The following ZNF444 variants were observed in gnomAD, a reference collection of about 807,000 sequenced individuals.
ZNF444 encodes endothelial zinc finger protein 2.
Under a neutral mutation model 14.4 loss-of-function variants are expected in ZNF444, and 8 were observed. The observed-to-expected ratio is 0.56, with a 90% CI of 0.33 to 1.00. The LOEUF (loss-of-function observed/expected upper bound fraction) is 1.00, where lower values mean the gene tolerates loss of function less well. Among genes scored for constraint, ZNF444 ranks in the 50% least tolerant of loss-of-function variants. ZNF444 has a pLI of 0.03. For missense variants in ZNF444, 510 were observed against 504.8 expected (o/e 1.01, Z -0.10); for synonymous variants, 258 against 235.9 (o/e 1.09, Z -0.86).
rs942128969 is a variant in ZNF444 at position 56,144,776 on chromosome 19, G to A, written c.-196-1471G>A. 6.6e-6 allele frequency among the ~76,000 whole-genome samples: 1 copy of A among 152,208 alleles called. No individual in the cohort carries two copies. Among genetic ancestry groups the A allele is most frequent in the African/African-American group, 2.4e-5 (1 of 41,450 alleles). ...ATGATACAGTCCAAGCTGCTGTAATGAAGAGACCCCAAGTACAGGGCTCCA... is the reference window on the plus strand; with the variant it reads ...ATGATACAGTCCAAGCTGCTGTAATAAAGAGACCCCAAGTACAGGGCTCCA... On this transcript the variant is annotated intron_variant, in intron 1 of 4. Coordinates refer to ENST00000337080, the MANE Select transcript of ZNF444 (RefSeq NM_018337.4). This position sits in a 1 kb window ranked among gnomAD's most constrained non-coding sequence, Gnocchi z 4.0.
At chr19:56,151,882 G>A (rs1356479133) in intron 3 of ZNF444, 1 of 428,556 alleles carries the variant, frequency 2.3e-6, no homozygotes, top group African/African-American at 2.1e-5. Flanking sequence ...ACATCTGGGG[G>A]CGCTACTGTG....
chr19:56,150,268 G>A (rs1170409281), intron 3 of ZNF444: 1 of 221,448 alleles, frequency 4.5e-6, no homozygotes, highest in Middle Eastern at 5.0e-4. Flanking sequence ...GGTGGTTATT[G>A]TTGCTTTTAA....
chr19:56,132,990 T>C (rs1189470266), intron 1 of ZNF444, among the ~76,000 whole-genome samples: 1 of 128,904 alleles, frequency 7.8e-6, no homozygotes. Context: ...CAGGCTGGAG[T>C]GCAGTGGTGC....
Position 56,141,294 on chromosome 19 carries a change from G to T in ZNF444, c.-260G>T, listed in dbSNP as rs1184480570. On this transcript the variant is annotated 5_prime_UTR_variant, in exon 1 of 5. Transcript: ENST00000337080. ...AAGCCTGCTGGGGCATGGAGTCCCG[G>T]CGAGCTTTGTGCGCATGTGCGGGGA... The T allele has an allele frequency of 8.4e-5, 8 of 95,794 alleles. No individual in the cohort carries two copies. The highest frequency in any genetic ancestry group is 2.1e-4 in the Admixed American group (2 of 9,444). 5.9% of individuals were successfully genotyped at this position (95,794 alleles called of 1,614,324 possible). A position where few individuals can be genotyped will look rare whatever the true frequency, so the allele number is the denominator to read the frequency against.
intron 3 of ZNF444, chr19:56,150,390 ACT>A (rs1014911617): frequency 3.3e-6 from 1 of 299,152 alleles, no homozygotes; most frequent in Admixed American, 4.8e-5. Flanking sequence ...GGCCGTCGGG[ACT>A]CTCCTGCGTT....
At chr19:56,150,138 C>T (rs944057859) in intron 3 of ZNF444, 1 of 176,270 alleles carries the variant, frequency 5.7e-6, no homozygotes, top group Non-Finnish European at 1.2e-5. Context: ...CTCCTCAGAA[C>T]AGGACCTGGC....
Position 56,160,512 on chromosome 19 carries a change from G to T in ZNF444, c.*311G>T. 1 of 346,754 alleles carries T rather than the reference G, an allele frequency of 2.9e-6. No individual in the cohort carries two copies. Among genetic ancestry groups the T allele is most frequent in the Non-Finnish European group, 5.2e-6 (1 of 191,820 alleles). 21.5% of individuals were successfully genotyped at this position (346,754 alleles called of 1,614,324 possible). ...CCCCTCTTCTCTCTCCTGCGGCCCA[G>T]CCTCCCTCTCCCTCCTCCATTCCTC... On this transcript the variant is annotated 3_prime_UTR_variant, in exon 5 of 5. Transcript: ENST00000337080.
At chr19:56,158,928 C>G (rs1413305572) in intron 4 of ZNF444, among the ~76,000 whole-genome samples, 1 of 151,836 alleles carries the variant, frequency 6.6e-6, no homozygotes, top group African/African-American at 2.4e-5. Context: ...CACATGTTCC[C>G]CCTCACACCA....
intron 3 of ZNF444, chr19:56,155,161 AAG>A (rs1273770919): frequency 6.6e-6 from 1 of 152,216 alleles, no homozygotes; most frequent in East Asian, 1.9e-4. Context: ...ATTACAGAGA[AAG>A]GACACAGATG....
chr19:56,159,559 C>G, intron 4 of ZNF444, 65 bp from the exon 5 acceptor site: 1 of 1,362,470 alleles, frequency 7.3e-7, no homozygotes, highest in Non-Finnish European at 9.6e-7. Context: ...GCCTCCACCC[C>G]AGCCTGTGCT....
Position 56,145,458 on chromosome 19 carries a change from C to T in ZNF444, c.-196-789C>T, listed in dbSNP as rs370595463. On this transcript the variant is annotated intron_variant, in intron 1 of 4. Transcript: ENST00000337080. This position sits in a 1 kb window ranked among gnomAD's most constrained non-coding sequence, Gnocchi z 4.3. ...AAAATTATCCGGACGTGGTAACGCA[C>T]GTCTATAATCCCAGCTACTTGGGAG... 5.9e-5 allele frequency among the ~76,000 whole-genome samples: 9 copies of T among 152,210 alleles called. No homozygotes were observed. Among genetic ancestry groups the T allele is most frequent in the Admixed American group, 2.0e-4 (3 of 15,278 alleles).
Position 56,145,383 on chromosome 19 carries a change from T to G in ZNF444, c.-196-864T>G, listed in dbSNP as rs1172545579. Among the ~76,000 whole-genome samples the G allele has an allele frequency of 2.0e-5, 3 of 152,146 alleles. No homozygotes were observed. Among genetic ancestry groups the G allele is most frequent in the Non-Finnish European group, 4.4e-5 (3 of 68,022 alleles). On this transcript the variant is annotated intron_variant, in intron 1 of 4. Transcript: ENST00000337080. This position sits in a 1 kb window ranked among gnomAD's most constrained non-coding sequence, Gnocchi z 4.3. ...GGTGGATCACCTGAGGTCAGGAGTT[T>G]GAGACCAGTCTGGCCAACCTGGCGA...
chr19:56,134,932 T>TAA (rs201887007), intron 1 of ZNF444, among the ~76,000 whole-genome samples: 1 of 145,704 alleles, frequency 6.9e-6, no homozygotes, highest in African/African-American at 2.5e-5. Flanking sequence ...CTTATTTCTT[T>TAA]AAAAAAAAAA....
rs750574355 is a variant in ZNF444, at chr19:56,145,508, C to A, written c.-196-739C>A. On this transcript the variant is annotated intron_variant, in intron 1 of 4. Coordinates refer to ENST00000337080, the MANE Select transcript of ZNF444 (RefSeq NM_018337.4). The surrounding 1 kb of genome is among the most constrained non-coding windows in gnomAD (Gnocchi z 4.3). ...GGATGAGGCAGGAGAATCGCTTGAC[C>A]CTGGGAGGCGGAGGTTGCAGTGAAC... Among the ~76,000 whole-genome samples the A allele has an allele frequency of 6.6e-6, 1 of 152,044 alleles. No individual in the cohort carries two copies. Among genetic ancestry groups the A allele is most frequent in the East Asian group, 1.9e-4 (1 of 5,184 alleles).
Position 56,158,677 on chromosome 19 carries a change from ACCAGGAC to A in ZNF444, c.406+83_406+89del, listed in dbSNP as rs1024568856. On this transcript the variant is annotated intron_variant, in intron 4 of 4. Transcript: ENST00000337080. The stretch of plus-strand genomic sequence containing the variant: ...AGGGGGTTCAGTGAACGATCCTGGC[ACCAGGAC>A]CCAGGACAAGGACAGACTTGGACCC... 292 of 1,315,670 alleles carry A rather than the reference ACCAGGAC, an allele frequency of 2.2e-4. 6 individuals carry two copies. The South Asian group carries it at 3.7e-3, about 17-fold the overall frequency. 81.5% of individuals were successfully genotyped at this position (1,315,670 alleles called of 1,614,324 possible).
In ZNF444 at chr19:56,159,620, C is replaced by T. The variant is rs1197871526; in HGVS notation, c.407-4C>T. 8 of 1,431,282 alleles carry T rather than the reference C, an allele frequency of 5.6e-6. No homozygotes were observed. Among genetic ancestry groups the T allele is most frequent in the Admixed American group, 5.8e-5 (2 of 34,658 alleles). 88.7% of individuals were successfully genotyped at this position (1,431,282 alleles called of 1,614,324 possible). ...CCAGATGCTGACTCTCTTTCTTTTC[C>T]CAGCAGGCACCGCCCCTGGGGCTGA... On this transcript the variant is annotated splice_polypyrimidine_tract_variant and splice_region_variant and intron_variant, in intron 4 of 4. Transcript: ENST00000337080.
intron 3 of ZNF444, chr19:56,150,454 C>T (rs1184181646): frequency 5.6e-6 from 2 of 358,724 alleles, no homozygotes; most frequent in Admixed American, 7.6e-5. Context: ...ATGTCTTTAG[C>T]ATCTCTCTTG....
intron 3 of ZNF444, among the ~76,000 whole-genome samples, chr19:56,148,492 G>A (rs79778523): frequency 0.026 from 3,964 of 152,258 alleles, 63 homozygotes; most frequent in South Asian, 0.038. Flanking sequence ...GCAGCCGGGC[G>A]GCCTTCCTTC....
intron 3 of ZNF444, chr19:56,151,732 T>C (rs143388101): frequency 0.012 from 4,982 of 428,328 alleles, 339 homozygotes; most frequent in African/African-American, 0.12. Context: ...CTGACGGTGG[T>C]GTATAGACAG....
Sources: gnomAD v4.1 joint callset for allele counts (sites outside exome capture counted in the v4.1 genomes callset) on GRCh38, gnomAD v4.1.1 for gene constraint, Gnocchi (gnomAD v3.1) non-coding constraint, MANE v1.5 for transcripts, NCBI Gene and HGNC (gene_info 2026-07-23, HGNC 2026-07-21) for gene names.